Variants in TRIM33 observed in about 807,000 individuals in gnomAD.
The protein encoded by TRIM33 is tripartite motif containing 33, also known as E3 ubiquitin-protein ligase TRIM33.
TRIM33 carries 20 observed loss-of-function variants against 125.4 expected under a neutral mutation model. The observed-to-expected ratio is 0.16, with a 90% CI of 0.11 to 0.23. The LOEUF (loss-of-function observed/expected upper bound fraction) is 0.23. TRIM33 is among the 10% of genes least tolerant of loss of function. The probability of loss-of-function intolerance (pLI) is 1.00; values close to 1 mark genes in which losing one functional copy is unlikely to be tolerated. For synonymous variants in TRIM33, 564 were observed against 513.9 expected (o/e 1.10, Z -1.32); for missense variants, 920 against 1,411.4 (o/e 0.65, Z 5.58).
Position 114,397,570 on chromosome 1 carries a change from AGTTTTCTGG to A in TRIM33, c.*69_*77del. On this transcript the variant is annotated 3_prime_UTR_variant, in exon 20 of 20. Coordinates refer to ENST00000358465, the MANE Select transcript of TRIM33 (RefSeq NM_015906.4). ...GCAGGATATTCCAGCAACACTTAAA[AGTTTTCTGG>A]GTTTTTTGTGTTTTTTTTTTTTTTT... The A allele has an allele frequency of 8.7e-7, 1 of 1,147,466 alleles. No homozygotes were observed. The highest frequency in any genetic ancestry group is 1.2e-6 in the Non-Finnish European group (1 of 819,068). 71.1% of individuals were successfully genotyped at this position (1,147,466 alleles called of 1,614,324 possible).
chr1:114,397,633 T>TAAAAA lies in TRIM33; in HGVS notation c.*14_*15insTTTTT. 1.4e-6 allele frequency: 2 copies of TAAAAA among 1,453,440 alleles called. No homozygotes were observed. The highest frequency in any genetic ancestry group is 1.9e-6 in the Non-Finnish European group (2 of 1,040,262). The allele number at this position is 1,453,440 out of a possible 1,614,324, so 90.0% of individuals were successfully genotyped here. A position where few individuals can be genotyped will look rare whatever the true frequency, so the allele number is the denominator to read the frequency against. ...TTTTTTTTTTTTTAAACAATTGATT[T>TAAAAA]AAATCCATGTCATTTTACTTTATAT... On this transcript the variant is annotated 3_prime_UTR_variant, in exon 20 of 20. Coordinates refer to ENST00000358465, the MANE Select transcript of TRIM33 (RefSeq NM_015906.4).
At chr1:114,461,760 C>G (rs985264977) in intron 4 of TRIM33, among the ~76,000 whole-genome samples, 5 of 152,014 alleles carry the variant, frequency 3.3e-5, no homozygotes, top group Non-Finnish European at 7.4e-5. Context: ...AAATCTAACA[C>G]TCAAAAAAAG....
intron 10 of TRIM33, among the ~76,000 whole-genome samples, chr1:114,423,038 A>G (rs537552635): frequency 6.6e-6 from 1 of 152,318 alleles, no homozygotes; most frequent in Non-Finnish European, 1.5e-5. Context: ...AAGTAACAGC[A>G]TACAAACATA....
chr1:114,485,278 A>AT (rs199732933), intron 1 of TRIM33, among the ~76,000 whole-genome samples: 6,182 of 148,750 alleles, frequency 0.042, 162 homozygotes, highest in Non-Finnish European at 0.057. Context: ...TGAAGCCCCC[A>AT]TTTTTTTTTT....
intron 10 of TRIM33, among the ~76,000 whole-genome samples, chr1:114,422,605 T>C (rs1293417749): frequency 6.6e-6 from 1 of 151,998 alleles, no homozygotes; most frequent in African/African-American, 2.4e-5. Flanking sequence ...CACTACACCT[T>C]TGACCATTCC....
intron 1 of TRIM33, among the ~76,000 whole-genome samples, chr1:114,496,855 T>C (rs1025230813): frequency 6.6e-6 from 1 of 152,216 alleles, no homozygotes; most frequent in Non-Finnish European, 1.5e-5. Flanking sequence ...TAAACTTTCT[T>C]ATTTCTGATT....
intron 1 of TRIM33, among the ~76,000 whole-genome samples, chr1:114,495,510 C>G (rs1485009441): frequency 6.6e-6 from 1 of 152,058 alleles, no homozygotes; most frequent in African/African-American, 2.4e-5. Flanking sequence ...AATAAGATAA[C>G]ACGAAAAAGT....
intron 17 of TRIM33, 134 bp from the exon 18 acceptor site, chr1:114,399,743 C>T (rs974659962): frequency 8.9e-6 from 6 of 672,504 alleles, no homozygotes; most frequent in Non-Finnish European, 1.2e-5. Flanking sequence ...TGAGTATAGA[C>T]GTATGTACTT....
intron 11 of TRIM33, among the ~76,000 whole-genome samples, chr1:114,414,625 T>A (rs1199390175): frequency 1.3e-5 from 2 of 152,226 alleles, no homozygotes. Flanking sequence ...CTTAGGTTGA[T>A]GCCTTACAAT....
chr1:114,413,334 AG>A (rs1652705736), intron 11 of TRIM33, among the ~76,000 whole-genome samples: 1 of 152,076 alleles, frequency 6.6e-6, no homozygotes, highest in Non-Finnish European at 1.5e-5. Flanking sequence ...CGAGGTGAGC[AG>A]ATCACCTGAG....
At chr1:114,414,434 C>CT (rs1171313801) in intron 11 of TRIM33, among the ~76,000 whole-genome samples, 2 of 111,356 alleles carry the variant, frequency 1.8e-5, no homozygotes, top group Non-Finnish European at 4.5e-5. Context: ...CTTCACTGGC[C>CT]TTTTTTCTGT....
At chr1:114,466,605 G>C (rs1009161919) in intron 1 of TRIM33, among the ~76,000 whole-genome samples, 1 of 152,142 alleles carries the variant, frequency 6.6e-6, no homozygotes, top group Non-Finnish European at 1.5e-5. Flanking sequence ...CAATGAGACT[G>C]ATCTCCAAAA....
At chr1:114,429,010 A>G (rs1042584923) in intron 6 of TRIM33, among the ~76,000 whole-genome samples, 8 of 152,148 alleles carry the variant, frequency 5.3e-5, no homozygotes, top group Non-Finnish European at 1.0e-4. Context: ...TTTTACAAAT[A>G]CTATTTTAGA....
At chr1:114,453,165 A>C (rs1649419580) in intron 4 of TRIM33, among the ~76,000 whole-genome samples, 1 of 152,012 alleles carries the variant, frequency 6.6e-6, no homozygotes. Context: ...GGAGTTTGAG[A>C]CCAGCCTGAC....
rs985322403 is a variant in TRIM33 at position 114,511,127 on chromosome 1, TCGCCGC to T, written c.-57_-52del. 7.3e-6 allele frequency: 8 copies of T among 1,099,234 alleles called. No individual in the cohort carries two copies. In the South Asian group the frequency reaches 1.7e-4, roughly 24 times the overall value. 68.1% of individuals were successfully genotyped at this position (1,099,234 alleles called of 1,614,324 possible). A position where few individuals can be genotyped will look rare whatever the true frequency, so the allele number is the denominator to read the frequency against. Reference sequence around the variant, plus strand: ...CGCCCCGCGCCGCCCGCCGCCCGCGTCGCCGCCGCCGCCGCCCCCAGCCCCAGCCGC... The same window carrying T: ...CGCCCCGCGCCGCCCGCCGCCCGCGTCGCCGCCGCCCCCAGCCCCAGCCGC... On this transcript the variant is annotated 5_prime_UTR_variant, in exon 1 of 20. Coordinates refer to ENST00000358465, the MANE Select transcript of TRIM33 (RefSeq NM_015906.4).
At chr1:114,441,593 C>T (rs1427156021) in intron 4 of TRIM33, among the ~76,000 whole-genome samples, 2 of 152,164 alleles carry the variant, frequency 1.3e-5, no homozygotes, top group African/African-American at 4.8e-5. Context: ...AGAGAGATAA[C>T]AGATGAGCTG....
intron 11 of TRIM33, among the ~76,000 whole-genome samples, chr1:114,413,901 C>A (rs902346040): frequency 6.6e-6 from 1 of 152,004 alleles, no homozygotes; most frequent in East Asian, 1.9e-4. Context: ...GTAGCATGTG[C>A]CCGTAGTCCC....
intron 1 of TRIM33, among the ~76,000 whole-genome samples, chr1:114,489,189 A>G (rs936171598): frequency 6.6e-6 from 1 of 152,248 alleles, no homozygotes; most frequent in Non-Finnish European, 1.5e-5. Context: ...TGGAGGACAG[A>G]GTAGTCTTTT....
At chr1:114,462,504 C>G (rs1381597679) in intron 4 of TRIM33, among the ~76,000 whole-genome samples, 1 of 152,064 alleles carries the variant, frequency 6.6e-6, no homozygotes, top group Non-Finnish European at 1.5e-5. Flanking sequence ...TAAACAGATG[C>G]CATGGAAGCT....
Sources: gnomAD v4.1 joint callset for allele counts (sites outside exome capture counted in the v4.1 genomes callset) on GRCh38, gnomAD v4.1.1 for gene constraint, MANE v1.5 for transcripts, NCBI Gene and HGNC (gene_info 2026-07-23, HGNC 2026-07-21) for gene names.